SLC37A1: variants seen among roughly 807,000 people sequenced by gnomAD.
The protein encoded by SLC37A1 is solute carrier family 37 member 1, also known as glucose-6-phosphate exchanger SLC37A1.
Under a neutral mutation model 75.3 loss-of-function variants are expected in SLC37A1, and 49 were observed. The observed-to-expected ratio is 0.65, with a 90% confidence interval of 0.52 to 0.83. The LOEUF (loss-of-function observed/expected upper bound fraction) is 0.83. Among genes scored for constraint, SLC37A1 ranks in the 40% least tolerant of loss-of-function variants. The pLI, the probability that SLC37A1 is intolerant of heterozygous loss-of-function variation, is 0.00. For synonymous variants in SLC37A1, 268 were observed against 292.1 expected, an observed-to-expected ratio of 0.92 and a Z score of 0.84; for missense variants, 566 against 695.0, an observed-to-expected ratio of 0.81 and a Z score of 2.09.
intron 6 of SLC37A1, 34 bp from the exon 7 acceptor site, chr21:42,542,370 C>A: frequency 1.9e-6 from 3 of 1,604,722 alleles, no homozygotes; most frequent in Non-Finnish European, 2.6e-6. Flanking sequence ...GCCTGCTTCC[C>A]ACAGGTCAGT....
At chr21:42,575,462 C>T in intron 18 of SLC37A1, 1 of 985,452 alleles carries the variant, frequency 1.0e-6, no homozygotes, top group South Asian at 4.7e-5. Flanking sequence ...ACTGAGTCGC[C>T]TTCTGGCTTC....
intron 11 of SLC37A1, chr21:42,560,242 G>C (rs2055795008): frequency 6.6e-6 from 1 of 152,492 alleles, no homozygotes; most frequent in African/African-American, 2.4e-5. Flanking sequence ...GAGACACTGT[G>C]TTCTTCCGAT....
In SLC37A1 at chr21:42,574,858, G is replaced by A. The variant is rs200267146; in HGVS notation, c.1464G>A (p.Pro488=). 3.4e-5 allele frequency: 55 copies of A among 1,614,136 alleles called. No homozygotes were observed. The highest frequency in any genetic ancestry group is 1.3e-4 in the African/African-American group (10 of 75,050). The change falls in exon 18 of 20, where the codon CCG becomes CCA. Residue 488 remains proline, a synonymous_variant. Coordinates refer to ENST00000352133, the MANE Select transcript of SLC37A1 (RefSeq NM_001320537.2). ...LGPLLAGLLS[P]SGWSNVFYML... ...CCCTGCTGGCTGGGCTCCTCTCCCC[G>A]TCCGGCTGGAGCAATGTGTTTTACA...
intron 3 of SLC37A1, among the ~76,000 whole-genome samples, chr21:42,526,232 C>G (rs2054788277): frequency 6.6e-6 from 1 of 152,154 alleles, no homozygotes; most frequent in Non-Finnish European, 1.5e-5. Flanking sequence ...AGGTGGCTCT[C>G]CATTGTTCTT....
rs117842225 is a variant in SLC37A1 at position 42,555,142 on chromosome 21, C to T, written c.849+1000C>T. On this transcript the variant is annotated intron_variant, in intron 10 of 19. Transcript: ENST00000352133. Reference sequence around the variant, plus strand: ...CTGGGATTACAGGCACCCACCACCACACCTGGCTGAATTTTGTATTTTTTT... The same window carrying T: ...CTGGGATTACAGGCACCCACCACCATACCTGGCTGAATTTTGTATTTTTTT... Among the ~76,000 whole-genome samples the T allele has an allele frequency of 5.6e-4, 85 of 152,080 alleles. No homozygotes were observed. In the East Asian group the frequency reaches 0.016, roughly 29 times the overall value.
intron 6 of SLC37A1, 100 bp from the exon 7 acceptor site, chr21:42,542,304 C>G (rs558499064): frequency 1.7e-5 from 16 of 927,544 alleles, no homozygotes; most frequent in African/African-American, 1.5e-4. Context: ...CTGTCGTGCC[C>G]CCTGCTTTGT....
chr21:42,563,835 G>T lies in SLC37A1; in HGVS notation c.1093G>T (p.Ala365Ser), dbSNP rs1208849350. ...AATAGATCACCTTGATGCCAAAAAG[G>T]CGGGGGAGCTCTCCACCCTGTTTGA... ...TNVDHLDAKK[A>S]GELSTLFDVG... Residue 365 changes from alanine (A) to serine (S), a missense_variant, in exon 13 of 20, where the codon GCG becomes TCG. Ala to Ser is a moderately conservative substitution (Grantham distance 99). Transcript: ENST00000352133. 1.2e-6 allele frequency: 2 copies of T among 1,614,210 alleles called. No individual in the cohort carries two copies. The highest frequency in any genetic ancestry group is 2.2e-5 in the East Asian group (1 of 44,884).
intron 18 of SLC37A1, among the ~76,000 whole-genome samples, chr21:42,576,647 G>A (rs2056316817): frequency 6.6e-6 from 1 of 152,074 alleles, no homozygotes; most frequent in South Asian, 2.1e-4. Context: ...ATAAGAAAAA[G>A]GAACTGACCT....
At chr21:42,526,930 CATT>C (rs1444267370) in intron 3 of SLC37A1, among the ~76,000 whole-genome samples, 1 of 152,164 alleles carries the variant, frequency 6.6e-6, no homozygotes, top group Non-Finnish European at 1.5e-5. Flanking sequence ...AGTAACCAGT[CATT>C]ATAAATCTGA....
chr21:42,544,827 T>C (rs1000951824), intron 8 of SLC37A1, among the ~76,000 whole-genome samples: 1 of 152,224 alleles, frequency 6.6e-6, no homozygotes, highest in Non-Finnish European at 1.5e-5. Context: ...TCTGTGCCCC[T>C]GCGCTCCAAG....
At chr21:42,532,135 T>G (rs2055001317) in intron 3 of SLC37A1, among the ~76,000 whole-genome samples, 1 of 152,212 alleles carries the variant, frequency 6.6e-6, no homozygotes, top group African/African-American at 2.4e-5. Context: ...AGATCCCAGC[T>G]TAGGCCTGTC....
In SLC37A1 at chr21:42,518,423, C is replaced by T. The variant is rs755847309; in HGVS notation, c.-32C>T. 5.0e-6 allele frequency: 8 copies of T among 1,613,320 alleles called. No individual in the cohort carries two copies. The highest frequency in any genetic ancestry group is 4.0e-5 in the African/African-American group (3 of 74,870). On this transcript the variant is annotated 5_prime_UTR_variant, in exon 2 of 20. It introduces an in-frame stop codon into an upstream open reading frame of the 5' UTR. Coordinates refer to ENST00000352133, the MANE Select transcript of SLC37A1 (RefSeq NM_001320537.2). Reference sequence around the variant, plus strand: ...CTCATTTATGAAGCATCTTATTCTGCGACCGAGGCTCAGTGGTCAGTGGCG... The same window carrying T: ...CTCATTTATGAAGCATCTTATTCTGTGACCGAGGCTCAGTGGTCAGTGGCG...
At chr21:42,521,865 CATGGT>C (rs767068531) in intron 2 of SLC37A1, among the ~76,000 whole-genome samples, 1 of 152,236 alleles carries the variant, frequency 6.6e-6, no homozygotes, top group Non-Finnish European at 1.5e-5. Context: ...GCTGCTGTAA[CATGGT>C]ACCACAAGCT....
chr21:42,514,213 C>T lies in SLC37A1; in HGVS notation c.-683C>T, dbSNP rs576490279. 1.2e-4 allele frequency: 18 copies of T among 152,142 alleles called. No homozygotes were observed. The East Asian group carries it at 3.1e-3, about 26-fold the overall frequency. 9.4% of individuals were successfully genotyped at this position (152,142 alleles called of 1,614,324 possible). A position where few individuals can be genotyped will look rare whatever the true frequency, so the allele number is the denominator to read the frequency against. On this transcript the variant is annotated 5_prime_UTR_variant, in exon 1 of 20. Transcript: ENST00000352133. The surrounding 1 kb of genome is among the most constrained non-coding windows in gnomAD (Gnocchi z 4.8). ...ATACGACATCTAGAAGAGTGGCCCT[C>T]GGCGACAATGCCGGGCGTTCCCGGA...
chr21:42,501,615 G>A (rs1016720453), intron 1 of SLC37A1, among the ~76,000 whole-genome samples: 1 of 152,226 alleles, frequency 6.6e-6, no homozygotes, highest in African/African-American at 2.4e-5. Flanking sequence ...AGGAGGTTGA[G>A]GCAGGAGAAT....
At chr21:42,532,934 C>T (rs911571575) in intron 3 of SLC37A1, among the ~76,000 whole-genome samples, 13 of 152,182 alleles carry the variant, frequency 8.5e-5, no homozygotes, top group African/African-American at 1.9e-4. Flanking sequence ...CCAGTGATGA[C>T]GGCAGAGTCA....
chr21:42,567,855 C>T (rs76068165), intron 16 of SLC37A1, among the ~76,000 whole-genome samples: 12,999 of 152,180 alleles, frequency 0.085, 1,783 homozygotes, highest in African/African-American at 0.29. Context: ...CTGCGCCAGC[C>T]TTGGTTTCTC....
Position 42,536,231 on chromosome 21 carries a change from A to C in SLC37A1, c.350+681A>C, listed in dbSNP as rs1601703729. Among the ~76,000 whole-genome samples, 2 of 152,194 alleles carry C rather than the reference A, an allele frequency of 1.3e-5. 1 individual carries two copies. Among genetic ancestry groups the C allele is most frequent in the South Asian group, 4.1e-4 (2 of 4,830 alleles). Reference sequence around the variant, plus strand: ...AGGATGTGGCCTTGAGCAAGTTACTATACCTCTTTGGGCCTCAGTTTCCCC... The same window carrying C: ...AGGATGTGGCCTTGAGCAAGTTACTCTACCTCTTTGGGCCTCAGTTTCCCC... On this transcript the variant is annotated intron_variant, in intron 5 of 19. Transcript: ENST00000352133.
At chr21:42,515,957 C>T (rs1483696200) in intron 1 of SLC37A1, among the ~76,000 whole-genome samples, 5 of 152,104 alleles carry the variant, frequency 3.3e-5, no homozygotes, top group Non-Finnish European at 5.9e-5. Context: ...TGGGATTTTG[C>T]CATATTGGCC....
Sources: allele counts gnomAD v4.1 joint callset (sites outside exome capture counted in the v4.1 genomes callset), GRCh38; gene constraint gnomAD v4.1.1; non-coding constraint Gnocchi (gnomAD v3.1); transcripts MANE v1.5; gene names NCBI Gene and HGNC (gene_info 2026-07-23, HGNC 2026-07-21).